CGNL1: variants seen among roughly 807,000 people sequenced by gnomAD.
The protein encoded by CGNL1 is cingulin like 1.
Under a neutral mutation model 141.2 loss-of-function variants are expected in CGNL1, and 132 were observed. The ratio of observed to expected loss-of-function variants is 0.93; its 90% CI spans 0.81 to 1.08. The LOEUF (loss-of-function observed/expected upper bound fraction) is 1.08, where lower values mean the gene tolerates loss of function less well. Among genes scored for constraint, CGNL1 ranks in the 50% least tolerant of loss-of-function variants. The probability of loss-of-function intolerance (pLI) is 0.00; values close to 1 mark genes in which losing one functional copy is unlikely to be tolerated. For missense variants in CGNL1, 1,870 were observed against 1,588.6 expected, an observed-to-expected ratio of 1.18 and a Z score of -3.01; for synonymous variants, 690 against 622.1, an observed-to-expected ratio of 1.11 and a Z score of -1.63.
Position 57,448,892 on chromosome 15 carries a change from C to G in CGNL1, c.1804-2608C>G, listed in dbSNP as rs190642257. Among the ~76,000 whole-genome samples, 98 of 152,058 alleles carry G rather than the reference C, an allele frequency of 6.4e-4. 1 individual carries two copies. Among genetic ancestry groups the G allele is most frequent in the Middle Eastern group, 6.8e-3 (2 of 294 alleles). On this transcript the variant is annotated intron_variant, in intron 4 of 18. Coordinates refer to ENST00000281282, the MANE Select transcript of CGNL1 (RefSeq NM_032866.5). The stretch of plus-strand genomic sequence containing the variant: ...ATAGATGTTCTGGAATGTGTTATCT[C>G]CCCCTGAAGAATGTTAAGTTTTGTT...
At chr15:57,511,884 G>T (rs192308881) in intron 8 of CGNL1, among the ~76,000 whole-genome samples, 199 of 152,338 alleles carry the variant, frequency 1.3e-3, no homozygotes, top group African/African-American at 4.7e-3. Flanking sequence ...TAGGTGGTAA[G>T]ATACGGACAA....
intron 8 of CGNL1, among the ~76,000 whole-genome samples, chr15:57,500,503 G>A (rs7167023): frequency 0.088 from 13,339 of 152,256 alleles, 785 homozygotes; most frequent in Non-Finnish European, 0.12. Flanking sequence ...AGGCTAGAAC[G>A]AACGTCAGGC....
Position 57,447,460 on chromosome 15 carries a change from A to C in CGNL1, c.1804-4040A>C, listed in dbSNP as rs560801351. Among the ~76,000 whole-genome samples, 13 of 152,302 alleles carry C rather than the reference A, an allele frequency of 8.5e-5. No individual in the cohort carries two copies. The South Asian group carries it at 2.7e-3, about 32-fold the overall frequency. ...AAGACGTTATTCGTCTTTTGACCTC[A>C]GTTGGCTCCATTGGAAAGCCAGCCA... On this transcript the variant is annotated intron_variant, in intron 4 of 18. Transcript: ENST00000281282.
Position 57,548,474 on chromosome 15 carries a change from C to T in CGNL1, c.*984C>T, listed in dbSNP as rs2140269583. 6.6e-6 allele frequency: 1 copy of T among 152,308 alleles called. No individual in the cohort carries two copies. The highest frequency in any genetic ancestry group is 2.4e-5 in the African/African-American group (1 of 41,562). The allele number at this position is 152,308 out of a possible 1,614,324, so 9.4% of individuals were successfully genotyped here. On this transcript the variant is annotated 3_prime_UTR_variant, in exon 19 of 19. Coordinates refer to ENST00000281282, the MANE Select transcript of CGNL1 (RefSeq NM_032866.5). The stretch of plus-strand genomic sequence containing the variant: ...ACAGCTAAGACTGAGCATAGCAGTT[C>T]ACATGGTCTGGGTAAACAAGTCACT...
chr15:57,414,725 C>G (rs1336736366), intron 1 of CGNL1, among the ~76,000 whole-genome samples: 1 of 152,180 alleles, frequency 6.6e-6, no homozygotes, highest in African/African-American at 2.4e-5. Flanking sequence ...GCTTTCACGT[C>G]TCATCCACCC....
intron 4 of CGNL1, among the ~76,000 whole-genome samples, chr15:57,450,292 T>G (rs1595716682): frequency 1.3e-5 from 2 of 152,220 alleles, no homozygotes; most frequent in Admixed American, 1.3e-4. Flanking sequence ...CTGTTTGTTT[T>G]TTGAGATGGA....
intron 8 of CGNL1, among the ~76,000 whole-genome samples, chr15:57,510,133 C>T (rs191723906): frequency 1.3e-3 from 205 of 152,194 alleles, no homozygotes; most frequent in African/African-American, 4.8e-3. Flanking sequence ...CCAAGTGTGA[C>T]GATTTGGAAC....
rs367704165 is a variant in CGNL1, at chr15:57,531,758, G to A, written c.3270G>A (p.Arg1090=). 6.2e-6 allele frequency: 10 copies of A among 1,609,876 alleles called. No homozygotes were observed. The highest frequency in any genetic ancestry group is 6.0e-6 in the Non-Finnish European group (7 of 1,176,270). ...ACAACTCAGATTTGCTGTCTGAGAG[G>A]ATCAGTAGGAGCAGGGAACAGGTAC... is the stretch of plus-strand genomic sequence containing the variant. ...ERNNSDLLSE[R]ISRSREQMEQ... Residue 1090 remains arginine (R), a synonymous_variant, in exon 14 of 19, where the codon AGG becomes AGA. Transcript: ENST00000281282.
chr15:57,473,675 TGTTG>T (rs1424599715), intron 8 of CGNL1, among the ~76,000 whole-genome samples: 8 of 152,094 alleles, frequency 5.3e-5, no homozygotes, highest in African/African-American at 1.9e-4. Flanking sequence ...CCAGCTGCCA[TGTTG>T]TAAGTGCACT....
At chr15:57,406,910 C>T (rs2062729475) in intron 1 of CGNL1, 2 of 152,228 alleles carry the variant, frequency 1.3e-5, no homozygotes, top group Non-Finnish European at 2.9e-5. Flanking sequence ...TTGACCCGTA[C>T]AATCAGTTTA....
chr15:57,545,448 T>C, intron 16 of CGNL1, 144 bp from the exon 17 acceptor site: 1 of 634,980 alleles, frequency 1.6e-6, no homozygotes, highest in Non-Finnish European at 2.7e-6. Context: ...CAGCTTTTTC[T>C]GCTGTGAAGT....
At chr15:57,490,887 A>C (rs1327495542) in intron 8 of CGNL1, among the ~76,000 whole-genome samples, 1 of 152,186 alleles carries the variant, frequency 6.6e-6, no homozygotes, top group Non-Finnish European at 1.5e-5. Context: ...CTTTACCTTC[A>C]TGGTCTTTCT....
At chr15:57,476,579 C>T (rs1306342773) in intron 8 of CGNL1, among the ~76,000 whole-genome samples, 1 of 152,114 alleles carries the variant, frequency 6.6e-6, no homozygotes, top group African/African-American at 2.4e-5. Flanking sequence ...AGTAGGCGGC[C>T]TCTGAAGTGA....
At chr15:57,520,472 G>C (rs2031176777) in intron 10 of CGNL1, among the ~76,000 whole-genome samples, 1 of 152,178 alleles carries the variant, frequency 6.6e-6, no homozygotes, top group Non-Finnish European at 1.5e-5. Context: ...GTAAATTTAT[G>C]TCTGATTTAC....
intron 8 of CGNL1, among the ~76,000 whole-genome samples, chr15:57,471,107 C>T (rs757017979): frequency 6.6e-6 from 1 of 152,222 alleles, no homozygotes; most frequent in Non-Finnish European, 1.5e-5. Flanking sequence ...AGTTAAAATA[C>T]ATTTCACTTA....
intron 1 of CGNL1, among the ~76,000 whole-genome samples, chr15:57,401,083 G>C (rs2062655930): frequency 6.6e-6 from 1 of 151,450 alleles, no homozygotes; most frequent in South Asian, 2.1e-4. Context: ...ATGTTATTTT[G>C]GTACTGATTT....
intron 1 of CGNL1, among the ~76,000 whole-genome samples, chr15:57,409,887 G>A (rs1364590314): frequency 2.0e-5 from 3 of 152,198 alleles, no homozygotes; most frequent in Non-Finnish European, 2.9e-5. Context: ...AAGTGGGAAG[G>A]GAATGAAGAA....
At chr15:57,485,225 G>T (rs1179065093) in intron 8 of CGNL1, among the ~76,000 whole-genome samples, 1 of 152,040 alleles carries the variant, frequency 6.6e-6, no homozygotes, top group East Asian at 1.9e-4. Flanking sequence ...TTGGGTGTTT[G>T]CCTGTTGTCT....
chr15:57,460,986 CTG>C lies in CGNL1; in HGVS notation c.2191-691_2191-690del. ...CTGGCTGAGGGAAGAGCAAAGGTGT[CTG>C]TGAGGGCGAGTCCTGAGCTGGAAAA... On this transcript the variant is annotated intron_variant, in intron 7 of 18. Transcript: ENST00000281282. 2.6e-5 allele frequency among the ~76,000 whole-genome samples: 4 copies of C among 152,098 alleles called. No individual in the cohort carries two copies. The Middle Eastern group carries it at 0.01, about 388-fold the overall frequency.
Sources: gnomAD v4.1 joint callset for allele counts (sites outside exome capture counted in the v4.1 genomes callset) on GRCh38, gnomAD v4.1.1 for gene constraint, MANE v1.5 for transcripts, NCBI Gene and HGNC (gene_info 2026-07-23, HGNC 2026-07-21) for gene names.